The following TRAPPC9 variants were observed in gnomAD, a reference collection of about 807,000 sequenced individuals.
The protein encoded by TRAPPC9 is trafficking protein particle complex subunit 9, also known as IKK2 binding protein.
TRAPPC9 carries 83 observed loss-of-function variants against 124.0 expected under a neutral mutation model. The ratio of observed to expected loss-of-function variants is 0.67; its 90% CI spans 0.56 to 0.80. The LOEUF (loss-of-function observed/expected upper bound fraction) is 0.80. TRAPPC9 is among the 30% of genes least tolerant of loss of function. The probability of loss-of-function intolerance (pLI) is 0.00; values close to 1 mark genes in which losing one functional copy is unlikely to be tolerated. For missense variants in TRAPPC9, 1,302 were observed against 1,508.3 expected (o/e 0.86, Z 2.27); for synonymous variants, 638 against 617.5 (o/e 1.03, Z -0.49).
At chr8:140,220,463 G>C (rs375044087) in intron 17 of TRAPPC9, among the ~76,000 whole-genome samples, 8 of 152,148 alleles carry the variant, frequency 5.3e-5, no homozygotes, top group African/African-American at 1.9e-4. Context: ...TCCAGGAATG[G>C]GGCACTCCCC....
intron 21 of TRAPPC9, among the ~76,000 whole-genome samples, chr8:139,769,927 G>T (rs1464304482): frequency 1.3e-5 from 2 of 152,254 alleles, no homozygotes; most frequent in African/African-American, 2.4e-5. Flanking sequence ...CCACAGCAGT[G>T]AATATGACAC....
intron 18 of TRAPPC9, among the ~76,000 whole-genome samples, chr8:139,993,753 TTAAAAC>T (rs1222111779): frequency 1.3e-5 from 2 of 152,160 alleles, no homozygotes; most frequent in African/African-American, 4.8e-5. Context: ...AAATCTCATA[TTAAAAC>T]TGCTGGGTAA....
chr8:139,947,907 T>TATATATATATAGAGAGAGAGAGAG, intron 19 of TRAPPC9, among the ~76,000 whole-genome samples: 3 of 60,372 alleles, frequency 5.0e-5, no homozygotes, highest in East Asian at 4.4e-4. Context: ...TATATATATA[T>TATATATATATAGAGAGAGAGAGAG]AGAGAGAGAG....
chr8:139,996,771 G>A (rs992328173), intron 18 of TRAPPC9, among the ~76,000 whole-genome samples: 6 of 152,046 alleles, frequency 3.9e-5, no homozygotes, highest in African/African-American at 7.2e-5. Flanking sequence ...ACAGAGTCTC[G>A]CTCTGTCACC....
chr8:139,822,011 G>A (rs759532727), intron 21 of TRAPPC9, among the ~76,000 whole-genome samples: 3 of 152,146 alleles, frequency 2.0e-5, no homozygotes, highest in East Asian at 1.9e-4. Context: ...GTTCTTTCTC[G>A]GCACAATGGC....
At chr8:139,789,261 TG>T (rs1324356359) in intron 21 of TRAPPC9, among the ~76,000 whole-genome samples, 1 of 152,194 alleles carries the variant, frequency 6.6e-6, no homozygotes, top group East Asian at 1.9e-4. Context: ...CACCAAGCTC[TG>T]GTGCTGCCTT....
rs1013443691 is a variant in TRAPPC9 at position 139,737,751 on chromosome 8, A to T, written c.3056-5549T>A. On this transcript the variant is annotated intron_variant, in intron 21 of 22. Coordinates refer to ENST00000438773, the MANE Select transcript of TRAPPC9 (RefSeq NM_001160372.4). ...CTTGGGTTTGAGTTACTTCTCTGTG[A>T]ATCTCCACCTCTCTGACGCCCCAGT... Among the ~76,000 whole-genome samples the T allele has an allele frequency of 2.6e-5, 4 of 152,116 alleles. No homozygotes were observed. The East Asian group carries it at 7.7e-4, about 29-fold the overall frequency.
chr8:139,929,374 G>A lies in TRAPPC9; in HGVS notation c.2811-19074C>T, dbSNP rs139784497. Among the ~76,000 whole-genome samples, 66 of 152,328 alleles carry A rather than the reference G, an allele frequency of 4.3e-4. 1 individual carries two copies. In the East Asian group the frequency reaches 0.012, roughly 28 times the overall value. On this transcript the variant is annotated intron_variant, in intron 19 of 22. Transcript: ENST00000438773. ...TCTGATACATTTGAGTTAAGACAAG[G>A]TGCCTTGAAATAACTTTAGTGCAAT... is the stretch of plus-strand genomic sequence containing the variant.
intron 6 of TRAPPC9, among the ~76,000 whole-genome samples, chr8:140,403,636 T>C (rs1473528598): frequency 2.0e-5 from 3 of 151,008 alleles, no homozygotes; most frequent in Non-Finnish European, 4.4e-5. Context: ...AATACAGGAA[T>C]ATATAACACT....
intron 2 of TRAPPC9, among the ~76,000 whole-genome samples, chr8:140,448,722 A>C (rs1330133737): frequency 6.6e-6 from 1 of 152,224 alleles, no homozygotes; most frequent in Non-Finnish European, 1.5e-5. Flanking sequence ...GCAACACCTT[A>C]TCAGGGATGA....
chr8:139,744,838 A>T (rs544550769), intron 21 of TRAPPC9, among the ~76,000 whole-genome samples: 4 of 152,202 alleles, frequency 2.6e-5, no homozygotes, highest in Non-Finnish European at 5.9e-5. Context: ...TTACTTTTAC[A>T]ACTTTTCATT....
At chr8:140,192,207 G>T (rs1563832771) in intron 17 of TRAPPC9, among the ~76,000 whole-genome samples, 1 of 152,146 alleles carries the variant, frequency 6.6e-6, no homozygotes, top group Non-Finnish European at 1.5e-5. Context: ...GACAATGAAG[G>T]CCAAGCAGGC....
At chr8:139,983,206 C>G (rs1390294899) in intron 19 of TRAPPC9, among the ~76,000 whole-genome samples, 1 of 152,196 alleles carries the variant, frequency 6.6e-6, no homozygotes, top group Non-Finnish European at 1.5e-5. Context: ...TGGGCCCTCA[C>G]CACCCACAGA....
chr8:140,253,661 G>C (rs572606694), intron 15 of TRAPPC9, among the ~76,000 whole-genome samples: 42 of 151,624 alleles, frequency 2.8e-4, no homozygotes, highest in African/African-American at 9.5e-4. Context: ...CTGGGCAACA[G>C]AGCAAGACTC....
At chr8:140,264,149 A>G (rs1394545649) in intron 15 of TRAPPC9, among the ~76,000 whole-genome samples, 1 of 152,252 alleles carries the variant, frequency 6.6e-6, no homozygotes, top group African/African-American at 2.4e-5. Context: ...CCAGAAAGTT[A>G]GAAAGCCCAG....
intron 17 of TRAPPC9, among the ~76,000 whole-genome samples, chr8:140,115,189 T>A (rs1259129773): frequency 6.6e-6 from 1 of 152,036 alleles, no homozygotes; most frequent in African/African-American, 2.4e-5. Flanking sequence ...CTTACCCACA[T>A]CCTCCCATGT....
At chr8:139,946,824 TA>T (rs35184277) in intron 19 of TRAPPC9, among the ~76,000 whole-genome samples, 4 of 148,040 alleles carry the variant, frequency 2.7e-5, no homozygotes, top group East Asian at 2.0e-4. Context: ...GCTAAAAATT[TA>T]AAAAAAAAAA....
intron 3 of TRAPPC9, among the ~76,000 whole-genome samples, chr8:140,437,150 A>ATT (rs199926264): frequency 2.7e-4 from 32 of 118,200 alleles, no homozygotes; most frequent in African/African-American, 8.2e-4. Context: ...ATTTTATTTT[A>ATT]TTTTATTTTA....
At chr8:139,848,506 A>G (rs779242929) in intron 21 of TRAPPC9, among the ~76,000 whole-genome samples, 7 of 152,154 alleles carry the variant, frequency 4.6e-5, no homozygotes, top group Non-Finnish European at 4.4e-5. Context: ...GAATAAACAT[A>G]TATGTGAGAT....
Sources: gnomAD v4.1 joint callset for allele counts (sites outside exome capture counted in the v4.1 genomes callset) on GRCh38, gnomAD v4.1.1 for gene constraint, MANE v1.5 for transcripts, NCBI Gene and HGNC (gene_info 2026-07-23, HGNC 2026-07-21) for gene names.